The following C10orf53 variants were observed in gnomAD, a reference collection of about 807,000 sequenced individuals.
C10orf53 encodes the protein UPF0728 protein C10orf53.
Under a neutral mutation model 9.4 loss-of-function variants are expected in C10orf53, and 8 were observed. The ratio of observed to expected loss-of-function variants is 0.85; its 90% CI spans 0.50 to 1.53. The LOEUF is 1.53. Ranked by LOEUF, C10orf53 falls within the 40% of genes most tolerant of loss-of-function variation. The pLI is 0.00. For missense variants in C10orf53, 117 were observed against 117.8 expected (o/e 0.99, Z 0.03); for synonymous variants, 48 against 46.0 (o/e 1.04, Z -0.18).
chr10:49,707,160 C>T (rs1027886978), intron 2 of C10orf53, among the ~76,000 whole-genome samples: 1 of 152,098 alleles, frequency 6.6e-6, no homozygotes, highest in Non-Finnish European at 1.5e-5. Flanking sequence ...GATGTAACTC[C>T]TGTCTGCTAA....
chr10:49,694,448 T>C, intron 2 of C10orf53, 90 bp from the exon 3 acceptor site: 2 of 1,544,004 alleles, frequency 1.3e-6, no homozygotes, highest in African/African-American at 1.4e-5. Flanking sequence ...CCTTTGAAAA[T>C]GCACTCTGGG....
chr10:49,697,865 G>A (rs191831432), downstream of C10orf53, among the ~76,000 whole-genome samples: 7 of 152,314 alleles, frequency 4.6e-5, no homozygotes, highest in East Asian at 1.2e-3. Flanking sequence ...ATCTTTAAAT[G>A]AAATTTGGAG....
chr10:49,703,961 C>A (rs538820104), intron 2 of C10orf53, among the ~76,000 whole-genome samples: 1 of 152,152 alleles, frequency 6.6e-6, no homozygotes, highest in Non-Finnish European at 1.5e-5. Flanking sequence ...TGGAGAAAAG[C>A]GCTCATTCTT....
chr10:49,701,042 C>G (rs768980608), downstream of C10orf53, among the ~76,000 whole-genome samples: 3 of 151,978 alleles, frequency 2.0e-5, no homozygotes, highest in Non-Finnish European at 2.9e-5. Flanking sequence ...AAATGATGTG[C>G]CTTTATTGAC....
At chr10:49,681,095 CCA>C (rs886109751) in intron 1 of C10orf53, among the ~76,000 whole-genome samples, 6 of 152,114 alleles carry the variant, frequency 3.9e-5, no homozygotes, top group African/African-American at 1.4e-4. Context: ...GGTATTAAGC[CCA>C]CTTTCCACTT....
At chr10:49,680,762 G>A (rs1018612938) in intron 1 of C10orf53, among the ~76,000 whole-genome samples, 1 of 152,146 alleles carries the variant, frequency 6.6e-6, no homozygotes, top group African/African-American at 2.4e-5. Flanking sequence ...GAAAGCAATG[G>A]TACTTCCTGA....
intron 2 of C10orf53, among the ~76,000 whole-genome samples, chr10:49,706,778 AC>A (rs1236758617): frequency 1.3e-5 from 2 of 152,298 alleles, no homozygotes; most frequent in Non-Finnish European, 2.9e-5. Context: ...CTCCCTCCAA[AC>A]TATTTGAACA....
chr10:49,701,263 T>C (rs2132889348), downstream of C10orf53, among the ~76,000 whole-genome samples: 1 of 152,244 alleles, frequency 6.6e-6, no homozygotes, highest in South Asian at 2.1e-4. Context: ...GCAGACACTT[T>C]CAGCAGAGGC....
chr10:49,701,173 G>A (rs61849382), downstream of C10orf53, among the ~76,000 whole-genome samples: 69,198 of 151,852 alleles, frequency 0.46, 16,182 homozygotes, highest in Middle Eastern at 0.5. Context: ...ACTCAAATGC[G>A]TCTCTTGAGA....
intron 1 of C10orf53, among the ~76,000 whole-genome samples, chr10:49,686,466 C>G (rs1035188045): frequency 6.6e-6 from 1 of 152,080 alleles, no homozygotes; most frequent in South Asian, 2.1e-4. Context: ...CCTGCGGGGT[C>G]GGGCAGAATA....
At chr10:49,683,605 T>C (rs1840499741) in intron 1 of C10orf53, among the ~76,000 whole-genome samples, 1 of 152,212 alleles carries the variant, frequency 6.6e-6, no homozygotes, top group Non-Finnish European at 1.5e-5. Context: ...CTGGGCATGG[T>C]GGCTCATACC....
intron 1 of C10orf53, among the ~76,000 whole-genome samples, chr10:49,682,636 A>G (rs1840490972): frequency 6.6e-6 from 1 of 152,128 alleles, no homozygotes; most frequent in South Asian, 2.1e-4. Context: ...GGTCCCGCCC[A>G]TGTCCTGCTG....
intron 1 of C10orf53, among the ~76,000 whole-genome samples, chr10:49,682,255 A>G (rs1840485923): frequency 6.6e-6 from 1 of 152,164 alleles, no homozygotes; most frequent in African/African-American, 2.4e-5. Flanking sequence ...ACAACACCCT[A>G]TCCCTCTGTG....
intron 2 of C10orf53, among the ~76,000 whole-genome samples, chr10:49,704,121 G>A (rs1840706181): frequency 1.3e-5 from 2 of 152,128 alleles, no homozygotes; most frequent in Admixed American, 1.3e-4. Flanking sequence ...TTGGAAGAAA[G>A]AAGGCCTTCC....
intron 1 of C10orf53, among the ~76,000 whole-genome samples, chr10:49,688,335 A>T (rs538451647): frequency 1.3e-5 from 2 of 152,112 alleles, no homozygotes; most frequent in African/African-American, 4.8e-5. Flanking sequence ...CCCTCAAAGT[A>T]CGCCCAGAAT....
chr10:49,708,559 C>T, exon 3 of C10orf53: 2 of 1,614,188 alleles, frequency 1.2e-6, no homozygotes, highest in Non-Finnish European at 1.7e-6. Context: ...CTGGGTTGGC[C>T]AGGCCTGGAT....
intron 1 of C10orf53, among the ~76,000 whole-genome samples, chr10:49,684,017 A>G (rs937439463): frequency 2.6e-5 from 4 of 152,194 alleles, no homozygotes; most frequent in Admixed American, 2.6e-4. Flanking sequence ...TAATTTTTGT[A>G]TATGGTGTAA....
intron 2 of C10orf53, among the ~76,000 whole-genome samples, chr10:49,702,707 T>C (rs2132890579): frequency 6.6e-6 from 1 of 152,306 alleles, no homozygotes; most frequent in Non-Finnish European, 1.5e-5. Context: ...CATACAGATA[T>C]AGGTTTAGCT....
chr10:49,708,621 C>A (rs764994479), exon 3 of C10orf53: 1 of 1,613,598 alleles, frequency 6.2e-7, no homozygotes. Flanking sequence ...CTACTGAAAT[C>A]GACAGGACAG....
Sources: allele counts gnomAD v4.1 joint callset (sites outside exome capture counted in the v4.1 genomes callset), GRCh38; gene constraint gnomAD v4.1.1; transcripts MANE v1.5; gene names NCBI Gene and HGNC (gene_info 2026-07-23, HGNC 2026-07-21).